Variants in TFPI observed in about 807,000 individuals in gnomAD.
The protein encoded by TFPI is anti-convertin.
TFPI carries 15 observed loss-of-function variants against 34.6 expected under a neutral mutation model. The observed-to-expected ratio is 0.43, with a 90% CI of 0.29 to 0.67. The LOEUF is 0.67. TFPI is among the 30% of genes least tolerant of loss of function. The pLI is 0.15. For missense variants in TFPI, 301 were observed against 364.0 expected (o/e 0.83, Z 1.41); for synonymous variants, 105 against 120.1 (o/e 0.87, Z 0.82).
At chr2:187,496,831 A>G (rs777796336) in intron 3 of TFPI, 50 bp downstream of exon 3, 1 of 1,489,516 alleles carries the variant, frequency 6.7e-7, no homozygotes, top group Middle Eastern at 1.8e-4. Flanking sequence ...CCATAATTAG[A>G]CTCAATAGCC....
chr2:187,510,941 G>A (rs76451126), intron 1 of TFPI, among the ~76,000 whole-genome samples: 1 of 152,124 alleles, frequency 6.6e-6, no homozygotes, highest in African/African-American at 2.4e-5. Flanking sequence ...TCTGTGGCTT[G>A]TTCTGCTACA....
chr2:187,513,785 C>T (rs1483897376), intron 1 of TFPI: 1 of 152,330 alleles, frequency 6.6e-6, no homozygotes. Context: ...TATTCTATTA[C>T]TCTTTCTTCT....
Position 187,538,284 on chromosome 2 carries a change from A to G in TFPI, c.-3+15916T>C, listed in dbSNP as rs577261633. On this transcript the variant is annotated intron_variant, in intron 1 of 7. Coordinates refer to ENST00000233156, the MANE Select transcript of TFPI (RefSeq NM_006287.6). ...CATTCTACTATAAAGACATATGCAC[A>G]AGTATGTTTATTGCAGCACTATTCA... Among the ~76,000 whole-genome samples the G allele has an allele frequency of 2.6e-5, 4 of 152,352 alleles. No individual in the cohort carries two copies. In the South Asian group the frequency reaches 8.3e-4, roughly 32 times the overall value.
chr2:187,490,013 A>G (rs562268514), intron 3 of TFPI, among the ~76,000 whole-genome samples: 6 of 151,628 alleles, frequency 4.0e-5, no homozygotes, highest in Non-Finnish European at 5.9e-5. Context: ...ACTCTTTTGA[A>G]TTTCAATTTA....
intron 1 of TFPI, among the ~76,000 whole-genome samples, chr2:187,530,857 A>G (rs1205252729): frequency 6.6e-6 from 1 of 152,190 alleles, no homozygotes; most frequent in African/African-American, 2.4e-5. Context: ...TACAGAAAGT[A>G]AAAGGTCACT....
intron 2 of TFPI, among the ~76,000 whole-genome samples, chr2:187,498,058 C>T (rs1367191690): frequency 6.6e-6 from 1 of 151,500 alleles, no homozygotes; most frequent in East Asian, 1.9e-4. Flanking sequence ...ACCAATTTTG[C>T]CTCTAGAGGG....
At position 187,506,870 on chromosome 2, in the gene TFPI, T is replaced by C. The variant is rs186159906; in HGVS notation, c.-2-3100A>G. On this transcript the variant is annotated intron_variant, in intron 1 of 7. Transcript: ENST00000233156. ...GGTAATGATTGTTAGATTTCTCCAC[T>C]ATGAAGTTACTTTCTACCCCTACCT... Among the ~76,000 whole-genome samples, 7 of 152,242 alleles carry C rather than the reference T, an allele frequency of 4.6e-5. No homozygotes were observed. The East Asian group carries it at 1.4e-3, about 29-fold the overall frequency.
intron 6 of TFPI, among the ~76,000 whole-genome samples, chr2:187,471,383 C>A (rs1046652203): frequency 6.6e-6 from 1 of 151,980 alleles, no homozygotes; most frequent in African/African-American, 2.4e-5. Context: ...CAAATTTATT[C>A]TACATATAGA....
At position 187,466,223 on chromosome 2, in the gene TFPI, T is replaced by C. The variant is rs529860607; in HGVS notation, c.*713A>G. ...TTCTTGTTTCCATAAAGGTTCTCCT[T>C]ATCATGAGTTGTATTTAACACACAA... On this transcript the variant is annotated 3_prime_UTR_variant, in exon 8 of 8. Transcript: ENST00000233156. 1 of 152,240 alleles carries C rather than the reference T, an allele frequency of 6.6e-6. No individual in the cohort carries two copies. Among genetic ancestry groups the C allele is most frequent in the African/African-American group, 2.4e-5 (1 of 41,560 alleles). The allele number at this position is 152,240 out of a possible 1,614,324, so 9.4% of individuals were successfully genotyped here. A position where few individuals can be genotyped will look rare whatever the true frequency, so the allele number is the denominator to read the frequency against.
chr2:187,502,775 C>T (rs1685936057), intron 2 of TFPI, among the ~76,000 whole-genome samples: 1 of 152,124 alleles, frequency 6.6e-6, no homozygotes, highest in African/African-American at 2.4e-5. Flanking sequence ...CTCATCTCAG[C>T]CATACCTGTT....
intron 1 of TFPI, among the ~76,000 whole-genome samples, chr2:187,523,403 G>A (rs1397766222): frequency 6.6e-6 from 1 of 152,072 alleles, no homozygotes; most frequent in African/African-American, 2.4e-5. Flanking sequence ...AGAGGGCAGT[G>A]TCTGTGTGCA....
At chr2:187,523,096 C>A (rs979602649) in intron 1 of TFPI, among the ~76,000 whole-genome samples, 1 of 151,868 alleles carries the variant, frequency 6.6e-6, no homozygotes, top group African/African-American at 2.4e-5. Context: ...AGGAACTGCA[C>A]ATATTACTGT....
intron 3 of TFPI, among the ~76,000 whole-genome samples, chr2:187,488,935 C>T (rs1006274867): frequency 6.6e-6 from 1 of 151,424 alleles, no homozygotes; most frequent in Admixed American, 6.6e-5. Context: ...AATCATTTCC[C>T]TCTAAAACTG....
chr2:187,506,090 G>A (rs1476308133), intron 1 of TFPI, among the ~76,000 whole-genome samples: 1 of 151,930 alleles, frequency 6.6e-6, no homozygotes, highest in Non-Finnish European at 1.5e-5. Context: ...TCTGGTTCTG[G>A]GTGATAACAG....
At chr2:187,487,026 C>G (rs1693320279) in intron 4 of TFPI, among the ~76,000 whole-genome samples, 1 of 151,564 alleles carries the variant, frequency 6.6e-6, no homozygotes, top group Non-Finnish European at 1.5e-5. Context: ...CTCTAACTTT[C>G]ATATATAATA....
rs565163700 is a variant in TFPI at position 187,546,413 on chromosome 2, G to A, written c.-3+7787C>T. Among the ~76,000 whole-genome samples, 12 of 107,568 alleles carry A rather than the reference G, an allele frequency of 1.1e-4. No individual in the cohort carries two copies. The South Asian group carries it at 3.3e-3, about 30-fold the overall frequency. The allele number at this position is 107,568 out of a possible 152,430, so 70.6% of individuals were successfully genotyped here. ...GCAAAGCTCTTTATGGTATGTTATCGTCATTTCCTTAAGAGGGGAAAAAAA... is the reference window on the plus strand; with the variant it reads ...GCAAAGCTCTTTATGGTATGTTATCATCATTTCCTTAAGAGGGGAAAAAAA... On this transcript the variant is annotated intron_variant, in intron 1 of 7. Coordinates refer to ENST00000233156, the MANE Select transcript of TFPI (RefSeq NM_006287.6).
Position 187,467,881 on chromosome 2 carries a change from C to T in TFPI, c.680G>A (p.Arg227His), listed in dbSNP as rs765177048. The T allele has an allele frequency of 1.4e-5, 22 of 1,610,252 alleles. No individual in the cohort carries two copies. Among genetic ancestry groups the T allele is most frequent in the African/African-American group, 9.4e-5 (7 of 74,746 alleles). ...GTAGTAGAATCTGTTCTCATTGGCA[C>T]GACACAATCCTCTGTCTGCTGGAGT... ...CLTPADRGLC[R>H]ANENRFYYNS... The change falls in exon 7 of 8, where the codon CGT becomes CAT. Residue 227 changes from arginine (R) to histidine (H), a missense_variant. Transcript: ENST00000233156.
chr2:187,509,023 C>T (rs201908316), intron 1 of TFPI, among the ~76,000 whole-genome samples: 2 of 152,042 alleles, frequency 1.3e-5, no homozygotes, highest in African/African-American at 4.8e-5. Flanking sequence ...TGAATTTTAT[C>T]GAGGGACTTT....
At chr2:187,493,249 C>T (rs1685240827) in intron 3 of TFPI, among the ~76,000 whole-genome samples, 1 of 152,204 alleles carries the variant, frequency 6.6e-6, no homozygotes, top group African/African-American at 2.4e-5. Flanking sequence ...GTTGCCAAGG[C>T]TCGAGGCTTG....
Sources: gnomAD v4.1 joint callset for allele counts (sites outside exome capture counted in the v4.1 genomes callset) on GRCh38, gnomAD v4.1.1 for gene constraint, MANE v1.5 for transcripts, NCBI Gene and HGNC (gene_info 2026-07-23, HGNC 2026-07-21) for gene names.